Variants in CBLB observed in about 807,000 individuals in gnomAD.
CBLB encodes E3 ubiquitin-protein ligase CBL-B.
Under a neutral mutation model 104.9 loss-of-function variants are expected in CBLB, and 31 were observed. The ratio of observed to expected loss-of-function variants is 0.30; its 90% CI spans 0.22 to 0.40. The LOEUF is 0.40. Ranked by LOEUF, CBLB falls within the 10% of genes least tolerant of loss-of-function variation. The pLI is 1.00. For synonymous variants in CBLB, 440 were observed against 422.6 expected, an observed-to-expected ratio of 1.04 and a Z score of -0.51; for missense variants, 1,062 against 1,214.6, an observed-to-expected ratio of 0.87 and a Z score of 1.87.
intron 9 of CBLB, among the ~76,000 whole-genome samples, chr3:105,729,324 G>A (rs887667323): frequency 1.3e-5 from 2 of 152,016 alleles, no homozygotes; most frequent in Non-Finnish European, 2.9e-5. Context: ...TCAGTTCAGA[G>A]CATACTACAG....
chr3:105,849,353 G>A (rs976327964), intron 3 of CBLB, among the ~76,000 whole-genome samples: 3 of 152,022 alleles, frequency 2.0e-5, no homozygotes, highest in Non-Finnish European at 4.4e-5. Context: ...TCCAATTAAG[G>A]ATATGCTATA....
At chr3:105,735,507 T>C (rs2074819932) in intron 8 of CBLB, among the ~76,000 whole-genome samples, 1 of 152,176 alleles carries the variant, frequency 6.6e-6, no homozygotes, top group Admixed American at 6.5e-5. Context: ...TATTTATGAG[T>C]AATTTAAGGG....
At chr3:105,754,495 G>GAA (rs2076870332) in intron 4 of CBLB, among the ~76,000 whole-genome samples, 2 of 40,294 alleles carry the variant, frequency 5.0e-5, no homozygotes, top group Non-Finnish European at 1.0e-4. Flanking sequence ...GAAAAGGGAA[G>GAA]AGAGAGAGAG....
chr3:105,784,449 G>A (rs1399975994), intron 3 of CBLB, among the ~76,000 whole-genome samples: 2 of 152,176 alleles, frequency 1.3e-5, no homozygotes, highest in Admixed American at 6.5e-5. Context: ...CTAGAGTTAT[G>A]TGATAAAAGA....
chr3:105,839,372 T>C (rs1254303843), intron 3 of CBLB: 7 of 152,334 alleles, frequency 4.6e-5, no homozygotes, highest in South Asian at 2.1e-4. Context: ...TGAGACAAGA[T>C]AGGAAATGTT....
At chr3:105,848,096 T>G (rs150646389) in intron 3 of CBLB, among the ~76,000 whole-genome samples, 1 of 152,016 alleles carries the variant, frequency 6.6e-6, no homozygotes, top group Non-Finnish European at 1.5e-5. Flanking sequence ...CAGCTCAGAA[T>G]GGTTTAGACA....
chr3:105,719,644 C>T (rs2072470788), intron 10 of CBLB, among the ~76,000 whole-genome samples: 1 of 152,146 alleles, frequency 6.6e-6, no homozygotes, highest in South Asian at 2.1e-4. Context: ...GTGTACAGTA[C>T]ATAATATGTG....
Position 105,678,450 on chromosome 3 carries a change from A to G in CBLB, c.2550T>C (p.Asp850=). 1 of 1,614,096 alleles carries G rather than the reference A, an allele frequency of 6.2e-7. No homozygotes were observed. The highest frequency in any genetic ancestry group is 8.5e-7 in the Non-Finnish European group (1 of 1,179,952). The stretch of plus-strand genomic sequence containing the variant: ...TCCTACCTGAAGGAAGAAGAAAAAG[A>G]TCCTGTCCTGAGGATGGCCGGCTAC... ...GSSSRPSSGQ[D]LFLLPSDPFV... is the part of the protein sequence containing the mutation. Residue 850 remains aspartate (D), a synonymous_variant, in exon 17 of 19, where the codon GAT becomes GAC. Transcript: ENST00000394030.
chr3:105,686,187 CA>C (rs2066976497), intron 13 of CBLB, among the ~76,000 whole-genome samples: 1 of 152,080 alleles, frequency 6.6e-6, no homozygotes, highest in South Asian at 2.1e-4. Flanking sequence ...TTCACTTATC[CA>C]TAAGAGTAAA....
At chr3:105,763,069 C>T (rs950646474) in intron 4 of CBLB, among the ~76,000 whole-genome samples, 4 of 152,158 alleles carry the variant, frequency 2.6e-5, no homozygotes, top group Non-Finnish European at 4.4e-5. Context: ...CGCTGGATTT[C>T]GGACTTGTGT....
intron 16 of CBLB, among the ~76,000 whole-genome samples, chr3:105,680,041 A>G (rs1407588367): frequency 6.6e-6 from 1 of 152,160 alleles, no homozygotes; most frequent in Non-Finnish European, 1.5e-5. Context: ...ATTCCATGAA[A>G]GGAGCTTAAA....
intron 11 of CBLB, 107 bp downstream of exon 11, chr3:105,703,881 T>C: frequency 1.0e-6 from 1 of 991,046 alleles, no homozygotes; most frequent in Non-Finnish European, 1.6e-6. Context: ...TCAAACTTAT[T>C]CACAATTAAA....
At chr3:105,698,010 T>C (rs1441929921) in intron 12 of CBLB, among the ~76,000 whole-genome samples, 1 of 152,102 alleles carries the variant, frequency 6.6e-6, no homozygotes, top group Non-Finnish European at 1.5e-5. Flanking sequence ...AACAGCTTTA[T>C]AAGGTGACTA....
rs184534455 is a variant in CBLB, at chr3:105,711,445, A to T, written c.1408-7272T>A. Among the ~76,000 whole-genome samples the T allele has an allele frequency of 4.4e-4, 67 of 152,242 alleles. 1 individual carries two copies. Among genetic ancestry groups the T allele is most frequent in the African/African-American group, 1.4e-3 (57 of 41,582 alleles). ...ACAAAACAAAAATCAAGAGTATTTA[A>T]AATAGTAGCCTATACAGAATATTAT... On this transcript the variant is annotated intron_variant, in intron 10 of 18. Coordinates refer to ENST00000394030, the MANE Select transcript of CBLB (RefSeq NM_170662.5).
chr3:105,851,384 A>T (rs1029313668), intron 3 of CBLB, among the ~76,000 whole-genome samples: 1 of 152,178 alleles, frequency 6.6e-6, no homozygotes, highest in Non-Finnish European at 1.5e-5. Context: ...CAGGGGGGGA[A>T]GTGAGACAGT....
chr3:105,773,570 G>A (rs1224745743), intron 4 of CBLB, among the ~76,000 whole-genome samples: 2 of 152,102 alleles, frequency 1.3e-5, no homozygotes, highest in Non-Finnish European at 2.9e-5. Context: ...AAAAATGACT[G>A]TCACCCAGAG....
At chr3:105,821,427 T>C (rs1233059772) in intron 3 of CBLB, among the ~76,000 whole-genome samples, 1 of 152,158 alleles carries the variant, frequency 6.6e-6, no homozygotes, top group Admixed American at 6.6e-5. Context: ...TCCTTTCTAG[T>C]CCTAAAATAG....
chr3:105,770,867 CCAATAA>C (rs1164198711), intron 4 of CBLB, among the ~76,000 whole-genome samples: 3 of 151,924 alleles, frequency 2.0e-5, no homozygotes, highest in African/African-American at 7.3e-5. Context: ...TTACTGCCAC[CCAATAA>C]CAATAACAAG....
At chr3:105,854,806 T>C (rs1457533740) in intron 2 of CBLB, among the ~76,000 whole-genome samples, 2 of 152,082 alleles carry the variant, frequency 1.3e-5, no homozygotes, top group Non-Finnish European at 2.9e-5. Context: ...CTAATTTTTA[T>C]ATTTTTAGTA....
Sources: allele counts gnomAD v4.1 joint callset (sites outside exome capture counted in the v4.1 genomes callset), GRCh38; gene constraint gnomAD v4.1.1; transcripts MANE v1.5; gene names NCBI Gene and HGNC (gene_info 2026-07-23, HGNC 2026-07-21).